Variants in ARAP2 observed in about 807,000 individuals in gnomAD.
ARAP2 encodes the protein arf-GAP with Rho-GAP domain, ANK repeat and PH domain-containing protein 2.
ARAP2 carries 148 observed loss-of-function variants against 194.5 expected under a neutral mutation model. That is an observed-to-expected ratio of 0.76 (90% CI 0.67 to 0.87). The LOEUF (loss-of-function observed/expected upper bound fraction) is 0.87, where lower values mean the gene tolerates loss of function less well. Among genes scored for constraint, ARAP2 ranks in the 40% least tolerant of loss-of-function variants. ARAP2 has a pLI of 0.00. For missense variants in ARAP2, 2,128 were observed against 1,989.7 expected (o/e 1.07, Z -1.32); for synonymous variants, 695 against 683.5 (o/e 1.02, Z -0.26).
Position 36,228,795 on chromosome 4 carries a change from T to C in ARAP2, c.692A>G (p.Asn231Ser), listed in dbSNP as rs552426775. 1 of 1,614,138 alleles carries C rather than the reference T, an allele frequency of 6.2e-7. No individual in the cohort carries two copies. Among genetic ancestry groups the C allele is most frequent in the South Asian group, 1.1e-5 (1 of 91,086 alleles). Residue 231 changes from asparagine to serine, a missense_variant, in exon 2 of 33, where the codon AAT (asparagine) becomes AGT (serine). Physicochemically the swap from Asn to Ser is conservative, Grantham distance 46. Transcript: ENST00000303965. ...GCSTSGTNSGNGTNGLLEGSP... is the reference protein window; with the variant it reads ...GCSTSGTNSGSGTNGLLEGSP... ...TCCTTCTAATAAACCATTTGTTCCA[T>C]TTCCAGAATTTGTTCCTGATGTTGA...
At chr4:36,164,886 G>T in intron 11 of ARAP2, 28 bp downstream of exon 11, 1 of 1,605,894 alleles carries the variant, frequency 6.2e-7, no homozygotes. Context: ...CCACAAAGCT[G>T]TGATGAGCAT....
intron 31 of ARAP2, among the ~76,000 whole-genome samples, chr4:36,075,333 G>A (rs922204202): frequency 6.6e-6 from 1 of 152,018 alleles, no homozygotes; most frequent in Non-Finnish European, 1.5e-5. Flanking sequence ...GAACTAAGAG[G>A]CATTTTTTTC....
chr4:36,218,440 TA>T (rs1020261681), intron 2 of ARAP2, among the ~76,000 whole-genome samples: 24 of 149,620 alleles, frequency 1.6e-4, no homozygotes, highest in African/African-American at 2.7e-4. Context: ...ACTAAAATAT[TA>T]AAAAAAAAAC....
intron 27 of ARAP2, among the ~76,000 whole-genome samples, chr4:36,098,381 C>T (rs1715917043): frequency 1.3e-5 from 2 of 152,056 alleles, no homozygotes; most frequent in African/African-American, 4.8e-5. Flanking sequence ...TCAGAATTCT[C>T]TAACTCCATG....
At chr4:36,198,703 G>T (rs1045909791) in intron 6 of ARAP2, among the ~76,000 whole-genome samples, 11 of 152,240 alleles carry the variant, frequency 7.2e-5, no homozygotes, top group African/African-American at 2.4e-4. Context: ...CCCCAATCTT[G>T]CTCTGAGATA....
At chr4:36,197,714 A>G (rs934081042) in intron 6 of ARAP2, among the ~76,000 whole-genome samples, 1 of 152,240 alleles carries the variant, frequency 6.6e-6, no homozygotes, top group Non-Finnish European at 1.5e-5. Context: ...CACTGCACAC[A>G]GTGAGGCACC....
intron 27 of ARAP2, among the ~76,000 whole-genome samples, chr4:36,103,583 T>C (rs1415932828): frequency 1.3e-5 from 2 of 151,856 alleles, no homozygotes; most frequent in African/African-American, 2.4e-5. Context: ...TAGAAAAAAA[T>C]TGAGGACTAT....
At chr4:36,231,845 T>C (rs934189040) in intron 1 of ARAP2, among the ~76,000 whole-genome samples, 2 of 152,202 alleles carry the variant, frequency 1.3e-5, no homozygotes, top group African/African-American at 4.8e-5. Context: ...GATAGAATTA[T>C]GTCCTCCCAA....
chr4:36,186,177 CATAAA>C (rs1385347883), intron 8 of ARAP2, among the ~76,000 whole-genome samples: 1 of 151,954 alleles, frequency 6.6e-6, no homozygotes, highest in African/African-American at 2.4e-5. Context: ...AAAAGTTGTC[CATAAA>C]ATAAGTTAAA....
At position 36,208,482 on chromosome 4, in the gene ARAP2, A is replaced by C. The variant is rs557663300; in HGVS notation, c.1487+1908T>G. The stretch of plus-strand genomic sequence containing the variant: ...CAGAAAAAGTTTGTTGACACCTGCT[A>C]TATGGAGTTTGGAATCCCATCTCAA... On this transcript the variant is annotated intron_variant, in intron 6 of 32. Transcript: ENST00000303965. Among the ~76,000 whole-genome samples, 18 of 152,358 alleles carry C rather than the reference A, an allele frequency of 1.2e-4. No homozygotes were observed. In the South Asian group the frequency reaches 3.7e-3, roughly 32 times the overall value.
intron 5 of ARAP2, among the ~76,000 whole-genome samples, chr4:36,020,713 C>T (rs1354127227): frequency 2.0e-5 from 3 of 152,150 alleles, no homozygotes; most frequent in African/African-American, 7.2e-5. Flanking sequence ...GTGGATAAGT[C>T]GAGACTGCTG....
In ARAP2 at chr4:36,119,745, C is replaced by G. The variant is rs757198273; in HGVS notation, c.3895-27G>C. The G allele has an allele frequency of 6.7e-6, 10 of 1,495,658 alleles. No homozygotes were observed. In the South Asian group the frequency reaches 1.2e-4, roughly 17 times the overall value. 92.6% of individuals were successfully genotyped at this position (1,495,658 alleles called of 1,614,324 possible). ...TGTTTAAAATATAATTCGGGACATTCTAATAATGTAGAATACGAAGAGTGA... is the reference window on the plus strand; with the variant it reads ...TGTTTAAAATATAATTCGGGACATTGTAATAATGTAGAATACGAAGAGTGA... On this transcript the variant is annotated intron_variant, in intron 23 of 32. Coordinates refer to ENST00000303965, the MANE Select transcript of ARAP2 (RefSeq NM_015230.4).
intron 8 of ARAP2, among the ~76,000 whole-genome samples, chr4:36,014,324 G>GAGAA (rs1181898359): frequency 0.036 from 3,910 of 109,690 alleles, 123 homozygotes; most frequent in African/African-American, 0.044. Flanking sequence ...GAAAGAAAGA[G>GAGAA]AGAAAGAAAG....
intron 27 of ARAP2, among the ~76,000 whole-genome samples, chr4:36,104,601 A>G (rs1717881669): frequency 6.6e-6 from 1 of 152,044 alleles, no homozygotes; most frequent in Non-Finnish European, 1.5e-5. Flanking sequence ...ACTATAAGAA[A>G]AAATCACGAC....
rs182797970 is a variant in ARAP2, at chr4:36,075,207, T to C, written c.4609-1384A>G. ...ACACTTTCAAATCACTGATGTGTAGTGCATACGCTAAAATATATTTTGAAG... is the reference window on the plus strand; with the variant it reads ...ACACTTTCAAATCACTGATGTGTAGCGCATACGCTAAAATATATTTTGAAG... On this transcript the variant is annotated intron_variant, in intron 31 of 32. Transcript: ENST00000303965. Among the ~76,000 whole-genome samples the C allele has an allele frequency of 2.6e-5, 4 of 152,274 alleles. No homozygotes were observed. The East Asian group carries it at 7.7e-4, about 29-fold the overall frequency.
chr4:36,193,293 G>A (rs1037604759), intron 7 of ARAP2, among the ~76,000 whole-genome samples: 1 of 152,092 alleles, frequency 6.6e-6, no homozygotes, highest in Non-Finnish European at 1.5e-5. Context: ...CAATATTAGG[G>A]GGTGGAAATC....
At position 36,212,423 on chromosome 4, in the gene ARAP2, G is replaced by A; in HGVS notation, c.1106C>T (p.Ala369Val). 1.2e-6 allele frequency: 2 copies of A among 1,612,082 alleles called. No individual in the cohort carries two copies. Among genetic ancestry groups the A allele is most frequent in the Non-Finnish European group, 1.7e-6 (2 of 1,178,654 alleles). ...TGATTTGATGATAAAAGAGTTTGTT[G>A]CAGTAGCTGCTTCCCCTTTGAGTGC... ...GEALKGEAAT[A>V]TNSFIIKSSI... Residue 369 changes from alanine (A) to valine (V), a missense_variant, in exon 5 of 33, where the codon GCA becomes GTA. Physicochemically the swap from Ala to Val is moderately conservative, Grantham distance 64. Coordinates refer to ENST00000303965, the MANE Select transcript of ARAP2 (RefSeq NM_015230.4).
chr4:36,037,497 A>G (rs1039495837), intron 5 of ARAP2, among the ~76,000 whole-genome samples: 1 of 152,170 alleles, frequency 6.6e-6, no homozygotes, highest in Non-Finnish European at 1.5e-5. Context: ...TTGATTGGTA[A>G]GCATAGAATG....
intron 2 of ARAP2, among the ~76,000 whole-genome samples, chr4:36,054,435 C>T (rs923417276): frequency 1.3e-5 from 2 of 152,142 alleles, no homozygotes; most frequent in Non-Finnish European, 2.9e-5. Flanking sequence ...AAGTGGGATA[C>T]ATACATTACT....
Sources: gnomAD v4.1 joint callset for allele counts (sites outside exome capture counted in the v4.1 genomes callset) on GRCh38, gnomAD v4.1.1 for gene constraint, MANE v1.5 for transcripts, NCBI Gene and HGNC (gene_info 2026-07-23, HGNC 2026-07-21) for gene names.